The following MAPDA variants were observed in gnomAD, a reference collection of about 807,000 sequenced individuals.
MAPDA encodes N6-Methyl-AMP deaminase, also known as N6,N6-dimethyl-AMP deaminase.
At chr15:43,351,855 A>G in the MAPDA span, 1 of 1,551,724 alleles carries the variant, frequency 6.4e-7, no homozygotes, top group Non-Finnish European at 8.7e-7. Context: ...TGTCTTATGA[A>G]TCCATCAACT....
the MAPDA span, among the ~76,000 whole-genome samples, chr15:43,350,507 T>C: frequency 1.3e-5 from 2 of 152,180 alleles, no homozygotes; most frequent in Admixed American, 1.3e-4. Context: ...CATTCTTAGC[T>C]CTTTATAATG....
chr15:43,341,603 C>G, the MAPDA span, among the ~76,000 whole-genome samples: 1 of 151,952 alleles, frequency 6.6e-6, no homozygotes, highest in African/African-American at 2.4e-5. Context: ...CTTTGGGAGG[C>G]TGAGGCAGGA....
the MAPDA span, among the ~76,000 whole-genome samples, chr15:43,348,078 T>G: frequency 6.6e-6 from 1 of 152,254 alleles, no homozygotes; most frequent in African/African-American, 2.4e-5. Context: ...TTACCTTAGT[T>G]TCTGTTGCTT....
the MAPDA span, among the ~76,000 whole-genome samples, chr15:43,349,858 T>C: frequency 6.6e-6 from 1 of 152,242 alleles, no homozygotes; most frequent in Non-Finnish European, 1.5e-5. Context: ...TGGGAACCAC[T>C]GGCATAGTGA....
At chr15:43,343,189 A>T in the MAPDA span, 12 of 668,954 alleles carry the variant, frequency 1.8e-5, no homozygotes, top group African/African-American at 2.3e-4. Context: ...TGATTTATAC[A>T]ATAGAAAAAT....
At chr15:43,330,597 G>C in the MAPDA span, 1 of 1,289,704 alleles carries the variant, frequency 7.8e-7, no homozygotes, top group Non-Finnish European at 1.0e-6. Context: ...CCATGCTCCT[G>C]GACTTCCCCT....
At chr15:43,335,818 T>A in the MAPDA span, 1 of 1,612,812 alleles carries the variant, frequency 6.2e-7, no homozygotes, top group East Asian at 2.2e-5. Context: ...AGAAAAGAAC[T>A]TTGGAAGAGT....
chr15:43,354,231 T>A, the MAPDA span: 1 of 152,310 alleles, frequency 6.6e-6, no homozygotes, highest in South Asian at 2.1e-4. Context: ...AAAAAGTTTG[T>A]TTTTTCCGCT....
At chr15:43,348,772 G>C in the MAPDA span, 1 of 757,610 alleles carries the variant, frequency 1.3e-6, no homozygotes, top group Non-Finnish European at 2.0e-6. Flanking sequence ...GAGCTAGGAA[G>C]GCAGAAGTAG....
At chr15:43,335,164 A>C in the MAPDA span, 1 of 1,613,822 alleles carries the variant, frequency 6.2e-7, no homozygotes, top group Admixed American at 1.7e-5. Flanking sequence ...CTGAATTGCC[A>C]AAAGTGGTGA....
the MAPDA span, among the ~76,000 whole-genome samples, chr15:43,348,140 C>T: frequency 6.6e-6 from 1 of 152,130 alleles, no homozygotes; most frequent in African/African-American, 2.4e-5. Flanking sequence ...ATGTTCTGAG[C>T]ATTTGTGTTT....
the MAPDA span, among the ~76,000 whole-genome samples, chr15:43,343,915 GAA>G: frequency 6.6e-6 from 1 of 151,372 alleles, no homozygotes; most frequent in Non-Finnish European, 1.5e-5. Flanking sequence ...AGAATGCAGA[GAA>G]GAAGACATAC....
chr15:43,350,945 CTGTT>C, the MAPDA span: 78 of 1,551,476 alleles, frequency 5.0e-5, 3 homozygotes, highest in South Asian at 7.4e-4. Context: ...ATCTAGAACT[CTGTT>C]TGACCTCAAA....
the MAPDA span, among the ~76,000 whole-genome samples, chr15:43,341,746 C>G: frequency 1.2e-3 from 177 of 152,082 alleles, no homozygotes; most frequent in Non-Finnish European, 1.8e-3. Flanking sequence ...CAGAGAGAGA[C>G]CTTAAAAAAG....
At chr15:43,342,856 C>G in the MAPDA span, 12 of 563,694 alleles carry the variant, frequency 2.1e-5, no homozygotes, top group African/African-American at 5.9e-5. Context: ...CCCATAAGGG[C>G]CATGTTTTCA....
At chr15:43,345,985 G>T in the MAPDA span, 35 of 1,613,702 alleles carry the variant, frequency 2.2e-5, no homozygotes, top group Non-Finnish European at 2.9e-5. Flanking sequence ...CCTACTGTAA[G>T]TTATTTTTCC....
chr15:43,347,262 C>G, the MAPDA span, among the ~76,000 whole-genome samples: 1 of 152,186 alleles, frequency 6.6e-6, no homozygotes, highest in Non-Finnish European at 1.5e-5. Flanking sequence ...GCTTCAGTCT[C>G]TACTGTTACT....
At chr15:43,336,646 C>T in the MAPDA span, 1 of 1,573,452 alleles carries the variant, frequency 6.4e-7, no homozygotes, top group Non-Finnish European at 8.6e-7. Flanking sequence ...ATGTTTCAAA[C>T]TATTCATCAG....
chr15:43,340,443 C>A, the MAPDA span: 2 of 1,027,336 alleles, frequency 1.9e-6, no homozygotes, highest in Non-Finnish European at 3.0e-6. Context: ...GAAGCACTAA[C>A]TTTTATACTA....
Sources: allele counts gnomAD v4.1 joint callset (sites outside exome capture counted in the v4.1 genomes callset), GRCh38; gene constraint gnomAD v4.1.1; transcripts MANE v1.5; gene names NCBI Gene and HGNC (gene_info 2026-07-23, HGNC 2026-07-21).